EPHB3: variants seen among roughly 807,000 people sequenced by gnomAD.
EPHB3 encodes the protein EPH receptor B3, also known as ephrin type-B receptor 3.
EPHB3 carries 33 observed loss-of-function variants against 100.2 expected under a neutral mutation model. The ratio of observed to expected loss-of-function variants is 0.33; its 90% CI spans 0.25 to 0.44. The LOEUF is 0.44. EPHB3 is among the 20% of genes least tolerant of loss of function. The pLI, the probability that EPHB3 is intolerant of heterozygous loss-of-function variation, is 1.00. For synonymous variants in EPHB3, 526 were observed against 554.7 expected (o/e 0.95, Z 0.73); for missense variants, 1,045 against 1,378.3 (o/e 0.76, Z 3.83).
Position 184,571,042 on chromosome 3 carries a change from G to A in EPHB3, c.119-276G>A, listed in dbSNP as rs991192360. Among the ~76,000 whole-genome samples, 4 of 150,490 alleles carry A rather than the reference G, an allele frequency of 2.7e-5. No individual in the cohort carries two copies. Among genetic ancestry groups the A allele is most frequent in the African/African-American group, 4.9e-5 (2 of 40,762 alleles). The stretch of plus-strand genomic sequence containing the variant: ...GCAATCTCGGCTCACTGCAACCTCC[G>A]TCTCCCAGGTTCAAGCGATTCTCCT... On this transcript the variant is annotated intron_variant, in intron 1 of 15. Transcript: ENST00000330394. This position sits in a 1 kb window ranked among gnomAD's most constrained non-coding sequence, Gnocchi z 5.0.
At position 184,562,359 on chromosome 3, in the gene EPHB3, C is replaced by A. The variant is rs1347841357; in HGVS notation, c.118+6C>A. ...CGGCTGCCGGGCGCTGGAAGGTGAG[C>A]GGCGTCGGGGGGCGCGCCCGGGAAC... is the stretch of plus-strand genomic sequence containing the variant. On this transcript the variant is annotated splice_donor_region_variant and intron_variant, in intron 1 of 15. Coordinates refer to ENST00000330394, the MANE Select transcript of EPHB3 (RefSeq NM_004443.4). The surrounding 1 kb of genome is among the most constrained non-coding windows in gnomAD (Gnocchi z 4.8). 3 of 1,224,878 alleles carry A rather than the reference C, an allele frequency of 2.4e-6. No individual in the cohort carries two copies. The highest frequency in any genetic ancestry group is 3.2e-5 in the African/African-American group (2 of 63,292). 75.9% of individuals were successfully genotyped at this position (1,224,878 alleles called of 1,614,324 possible).
At position 184,563,508 on chromosome 3, in the gene EPHB3, AC is replaced by A. The variant is rs1482653456; in HGVS notation, c.118+1156del. On this transcript the variant is annotated intron_variant, in intron 1 of 15. Transcript: ENST00000330394. This position sits in a 1 kb window ranked among gnomAD's most constrained non-coding sequence, Gnocchi z 4.1. ...ACTTAAAGGTTGGAAGGAAAAAAGA[AC>A]ACAGTTCAGAGAGAAAGGCATCCTC... Among the ~76,000 whole-genome samples the A allele has an allele frequency of 2.6e-5, 4 of 152,188 alleles. No homozygotes were observed. The highest frequency in any genetic ancestry group is 2.6e-4 in the Admixed American group (4 of 15,286).
At position 184,572,712 on chromosome 3, in the gene EPHB3, A is replaced by G; in HGVS notation, c.392A>G (p.Asn131Ser). ...CCCGGCTCCTGCAAGGAGACCTTCA[A>G]CCTCTTCTACTACGAGGCTGACAGC... is the stretch of plus-strand genomic sequence containing the variant. ...NIPGSCKETF[N>S]LFYYEADSDV... Residue 131 changes from asparagine (N) to serine (S), a missense_variant, in exon 3 of 16, where the codon AAC (asparagine) becomes AGC (serine). Asn to Ser is a conservative substitution (Grantham distance 46). This residue lies in a region of EPHB3 where 985 missense variants were observed against 1,331.1 expected (regional missense o/e 0.74). Coordinates refer to ENST00000330394, the MANE Select transcript of EPHB3 (RefSeq NM_004443.4). The surrounding 1 kb of genome is among the most constrained non-coding windows in gnomAD (Gnocchi z 6.6). 6.2e-7 allele frequency: 1 copy of G among 1,612,296 alleles called. No individual in the cohort carries two copies. The highest frequency in any genetic ancestry group is 1.7e-5 in the Admixed American group (1 of 59,624).
chr3:184,571,490 T>A lies in EPHB3; in HGVS notation c.183+108T>A. ...CCAGGGCCTGGAGGAGGGCTGCCTC[T>A]GCCCTCTGCCTGTCACCCTCACTTC... On this transcript the variant is annotated intron_variant, in intron 2 of 15. Coordinates refer to ENST00000330394, the MANE Select transcript of EPHB3 (RefSeq NM_004443.4). This position sits in a 1 kb window ranked among gnomAD's most constrained non-coding sequence, Gnocchi z 5.0. 2 of 1,137,370 alleles carry A rather than the reference T, an allele frequency of 1.8e-6. No individual in the cohort carries two copies. The highest frequency in any genetic ancestry group is 2.6e-6 in the Non-Finnish European group (2 of 766,412). The allele number at this position is 1,137,370 out of a possible 1,614,324, so 70.5% of individuals were successfully genotyped here.
At position 184,572,758 on chromosome 3, in the gene EPHB3, C is replaced by A; in HGVS notation, c.438C>A (p.Ser146=). The A allele has an allele frequency of 6.2e-7, 1 of 1,612,014 alleles. No homozygotes were observed. Among genetic ancestry groups the A allele is most frequent in the Non-Finnish European group, 8.5e-7 (1 of 1,179,368 alleles). The part of the protein sequence containing the change: ...EADSDVASAS[S]PFWMENPYVK... The stretch of plus-strand genomic sequence containing the variant: ...ACAGCGATGTGGCCTCAGCCTCCTC[C>A]CCCTTCTGGATGGAGAACCCCTACG... Residue 146 remains serine, a synonymous_variant, in exon 3 of 16, where the codon TCC becomes TCA. Transcript: ENST00000330394. The surrounding 1 kb of genome is among the most constrained non-coding windows in gnomAD (Gnocchi z 6.6).
In EPHB3 at chr3:184,581,708, T is replaced by C. The variant is rs1165431135; in HGVS notation, c.*86T>C. On this transcript the variant is annotated 3_prime_UTR_variant, in exon 16 of 16. Transcript: ENST00000330394. ...TCGGACTCTTGGACTTTTGGATGCC[T>C]GGCCTTAGGCTGTGGCCCAGAAGCT... 3.8e-6 allele frequency: 5 copies of C among 1,320,622 alleles called. No individual in the cohort carries two copies. Among genetic ancestry groups the C allele is most frequent in the African/African-American group, 1.5e-5 (1 of 67,448 alleles). 81.8% of individuals were successfully genotyped at this position (1,320,622 alleles called of 1,614,324 possible).
intron 3 of EPHB3, among the ~76,000 whole-genome samples, chr3:184,574,224 T>A (rs1714617724): frequency 6.6e-6 from 1 of 152,228 alleles, no homozygotes; most frequent in Admixed American, 6.5e-5. Flanking sequence ...GCTGGGCTGT[T>A]CTGCCCTTAT....
chr3:184,571,986 C>A lies in EPHB3; in HGVS notation c.184-518C>A, dbSNP rs763275796. Among the ~76,000 whole-genome samples the A allele has an allele frequency of 1.3e-5, 2 of 152,158 alleles. No homozygotes were observed. The highest frequency in any genetic ancestry group is 3.9e-4 in the East Asian group (2 of 5,192). ...CCTTGGCTTCCTCATCTCTAAACGT[C>A]GGGACAACAGATGCGGCTCCTCATG... On this transcript the variant is annotated intron_variant, in intron 2 of 15. Transcript: ENST00000330394. The surrounding 1 kb of genome is among the most constrained non-coding windows in gnomAD (Gnocchi z 5.0).
rs1714584430 is a variant in EPHB3, at chr3:184,573,185, G to C, written c.856+9G>C. ...GGAGTCCCAGTGCCGCCGTGAGTGG[G>C]GACTGTCCTGGGGAAAGGGTTGTCG... On this transcript the variant is annotated intron_variant, in intron 3 of 15. Transcript: ENST00000330394. The surrounding 1 kb of genome is among the most constrained non-coding windows in gnomAD (Gnocchi z 4.5). 1 of 1,609,946 alleles carries C rather than the reference G, an allele frequency of 6.2e-7. No homozygotes were observed. Among genetic ancestry groups the C allele is most frequent in the African/African-American group, 1.3e-5 (1 of 74,922 alleles).
Position 184,581,904 on chromosome 3 carries a change from A to G in EPHB3, c.*282A>G. The G allele has an allele frequency of 2.8e-6, 1 of 362,908 alleles. No homozygotes were observed. Among genetic ancestry groups the G allele is most frequent in the Non-Finnish European group, 5.0e-6 (1 of 201,806 alleles). The allele number at this position is 362,908 out of a possible 1,614,324, so 22.5% of individuals were successfully genotyped here. On this transcript the variant is annotated 3_prime_UTR_variant, in exon 16 of 16. Transcript: ENST00000330394. ...TGCTCTCCAGCAGGGGATCCCCACAACCTCACACTTGTCTGTTCTTCAGTG... is the reference window on the plus strand; with the variant it reads ...TGCTCTCCAGCAGGGGATCCCCACAGCCTCACACTTGTCTGTTCTTCAGTG...
chr3:184,571,377 A>G lies in EPHB3; in HGVS notation c.178A>G (p.Ser60Gly). 6.2e-7 allele frequency: 1 copy of G among 1,613,986 alleles called. No homozygotes were observed. The highest frequency in any genetic ancestry group is 8.5e-7 in the Non-Finnish European group (1 of 1,179,910). Residue 60 changes from serine to glycine, a missense_variant, in exon 2 of 16, where the codon AGT (serine) becomes GGT (glycine). Coordinates refer to ENST00000330394, the MANE Select transcript of EPHB3 (RefSeq NM_004443.4). This position sits in a 1 kb window ranked among gnomAD's most constrained non-coding sequence, Gnocchi z 5.0. ...SELAWTSHPESGWEEVSGYDE... is the reference protein window; with the variant it reads ...SELAWTSHPEGGWEEVSGYDE... ...GTTGGCGTGGACATCTCATCCAGAA[A>G]GTGGGGTGAGGCTTTCCCATCATTC...
At position 184,576,830 on chromosome 3, in the gene EPHB3, T is replaced by C. The variant is rs762008751; in HGVS notation, c.1013-12T>C. ...CCCAGCTCACTACCTTCTCCCTCCATATTCCTCACAGCCGTGCCATCTCCA... is the reference window on the plus strand; with the variant it reads ...CCCAGCTCACTACCTTCTCCCTCCACATTCCTCACAGCCGTGCCATCTCCA... On this transcript the variant is annotated splice_polypyrimidine_tract_variant and intron_variant, in intron 4 of 15. Coordinates refer to ENST00000330394, the MANE Select transcript of EPHB3 (RefSeq NM_004443.4). 3 of 1,529,756 alleles carry C rather than the reference T, an allele frequency of 2.0e-6. No homozygotes were observed. The highest frequency in any genetic ancestry group is 2.8e-5 in the African/African-American group (2 of 72,552). 94.8% of individuals were successfully genotyped at this position (1,529,756 alleles called of 1,614,324 possible).
Position 184,567,677 on chromosome 3 carries a change from C to T in EPHB3, c.119-3641C>T, listed in dbSNP as rs528542237. 4.6e-5 allele frequency among the ~76,000 whole-genome samples: 7 copies of T among 152,276 alleles called. No individual in the cohort carries two copies. The South Asian group carries it at 8.3e-4, about 18-fold the overall frequency. On this transcript the variant is annotated intron_variant, in intron 1 of 15. Transcript: ENST00000330394. ...GTAGTTTGTGTGACTAAAAGCATGT[C>T]GCCAAGTCTATACAGGGAAACTGGT...
rs1475199446 is a variant in EPHB3, at chr3:184,565,614, A to G, written c.118+3261A>G. 6.6e-6 allele frequency among the ~76,000 whole-genome samples: 1 copy of G among 152,142 alleles called. No individual in the cohort carries two copies. Among genetic ancestry groups the G allele is most frequent in the Non-Finnish European group, 1.5e-5 (1 of 68,004 alleles). On this transcript the variant is annotated intron_variant, in intron 1 of 15. Coordinates refer to ENST00000330394, the MANE Select transcript of EPHB3 (RefSeq NM_004443.4). This position sits in a 1 kb window ranked among gnomAD's most constrained non-coding sequence, Gnocchi z 4.8. The stretch of plus-strand genomic sequence containing the variant: ...ACAGCATAGAGCCCACCTCCTTCAC[A>G]GGGGCAGCAGGAGTGACCCCTGAGA...
chr3:184,562,127 C>T lies in EPHB3; in HGVS notation c.-109C>T, dbSNP rs1714266256. 1.1e-5 allele frequency: 2 copies of T among 177,760 alleles called. No individual in the cohort carries two copies. Among genetic ancestry groups the T allele is most frequent in the Non-Finnish European group, 2.3e-5 (2 of 86,730 alleles). 11.0% of individuals were successfully genotyped at this position (177,760 alleles called of 1,614,324 possible). On this transcript the variant is annotated 5_prime_UTR_variant, in exon 1 of 16. Transcript: ENST00000330394. This position sits in a 1 kb window ranked among gnomAD's most constrained non-coding sequence, Gnocchi z 4.8. ...CTCCTGGATCTCCTGGGACCCGACG[C>T]GAGCCTGCCCCGGAGCCCGCCGAGC... is the stretch of plus-strand genomic sequence containing the variant.
intron 11 of EPHB3, among the ~76,000 whole-genome samples, 179 bp downstream of exon 11, chr3:184,580,113 C>T (rs1714783353): frequency 1.3e-5 from 2 of 152,180 alleles, no homozygotes; most frequent in Admixed American, 1.3e-4. Context: ...CTTGACTGTT[C>T]CTTACTGCCT....
In EPHB3 at chr3:184,577,951, A is replaced by G. The variant is rs1367250993; in HGVS notation, c.1693A>G (p.Thr565Ala). The G allele has an allele frequency of 1.2e-6, 2 of 1,613,918 alleles. No individual in the cohort carries two copies. Among genetic ancestry groups the G allele is most frequent in the Non-Finnish European group, 1.7e-6 (2 of 1,179,954 alleles). ...GCTTCCCCTCATCGTGGGCTCCGCT[A>G]CAGCTGGGCTTGTCTTCGTGGTGGC... ...EQLPLIVGSA[T>A]AGLVFVVAVV... Residue 565 changes from threonine to alanine, a missense_variant, in exon 8 of 16, where the codon ACA becomes GCA. Coordinates refer to ENST00000330394, the MANE Select transcript of EPHB3 (RefSeq NM_004443.4). This position sits in a 1 kb window ranked among gnomAD's most constrained non-coding sequence, Gnocchi z 4.9.
chr3:184,581,694 G>A lies in EPHB3; in HGVS notation c.*72G>A, dbSNP rs1714827800. ...AGCCGGCTGGACTTTCGGACTCTTG[G>A]ACTTTTGGATGCCTGGCCTTAGGCT... On this transcript the variant is annotated 3_prime_UTR_variant, in exon 16 of 16. Coordinates refer to ENST00000330394, the MANE Select transcript of EPHB3 (RefSeq NM_004443.4). 1.5e-5 allele frequency: 21 copies of A among 1,406,846 alleles called. 1 individual carries two copies. The South Asian group carries it at 2.8e-4, about 18-fold the overall frequency. 87.1% of individuals were successfully genotyped at this position (1,406,846 alleles called of 1,614,324 possible). A position where few individuals can be genotyped will look rare whatever the true frequency, so the allele number is the denominator to read the frequency against.
intron 1 of EPHB3, among the ~76,000 whole-genome samples, chr3:184,567,658 T>C (rs1560054120): frequency 6.6e-6 from 1 of 152,204 alleles, no homozygotes; most frequent in Admixed American, 6.5e-5. Context: ...GATTGTAGTT[T>C]GTGTGACTAA....
Sources: allele counts gnomAD v4.1 joint callset (sites outside exome capture counted in the v4.1 genomes callset), GRCh38; gene constraint gnomAD v4.1.1; regional missense constraint gnomAD v4.1.1; non-coding constraint Gnocchi (gnomAD v3.1); transcripts MANE v1.5; gene names NCBI Gene and HGNC (gene_info 2026-07-23, HGNC 2026-07-21).